MYBL2: variants seen among roughly 807,000 people sequenced by gnomAD.
MYBL2 encodes the protein MYB proto-oncogene like 2.
A neutral mutation model predicts 79.9 loss-of-function variants in MYBL2; 28 were observed. The observed-to-expected ratio is 0.35, with a 90% CI of 0.26 to 0.48. The LOEUF (loss-of-function observed/expected upper bound fraction) is 0.48. Ranked by LOEUF, MYBL2 falls within the 20% of genes least tolerant of loss-of-function variation. The pLI is 0.99. For synonymous variants in MYBL2, 378 were observed against 361.2 expected (o/e 1.05, Z -0.53); for missense variants, 735 against 893.9 (o/e 0.82, Z 2.27).
intron 2 of MYBL2, among the ~76,000 whole-genome samples, chr20:43,681,447 G>C (rs1480069393): frequency 6.6e-6 from 1 of 152,142 alleles, no homozygotes; most frequent in Admixed American, 6.6e-5. Context: ...GATCTGTTTT[G>C]CTTCCTCCAT....
chr20:43,667,268 G>C lies in MYBL2; in HGVS notation c.-16G>C. 1.6e-6 allele frequency: 2 copies of C among 1,223,620 alleles called. No homozygotes were observed. Among genetic ancestry groups the C allele is most frequent in the Non-Finnish European group, 2.0e-6 (2 of 982,570 alleles). The allele number at this position is 1,223,620 out of a possible 1,614,324, so 75.8% of individuals were successfully genotyped here. A position where few individuals can be genotyped will look rare whatever the true frequency, so the allele number is the denominator to read the frequency against. On this transcript the variant is annotated 5_prime_UTR_variant, in exon 1 of 14. Coordinates refer to ENST00000217026, the MANE Select transcript of MYBL2 (RefSeq NM_002466.4). ...GCCGGCGGGCGGGCGAGCGCGGCGC[G>C]GTCCGGGCCGGGGGGATGTCTCGGC...
At chr20:43,704,570 G>A (rs1346851527) in intron 8 of MYBL2, among the ~76,000 whole-genome samples, 1 of 152,180 alleles carries the variant, frequency 6.6e-6, no homozygotes, top group African/African-American at 2.4e-5. Context: ...GTTGCAGATG[G>A]CTCTCTATTA....
intron 6 of MYBL2, among the ~76,000 whole-genome samples, chr20:43,699,180 A>C (rs1371520881): frequency 6.6e-6 from 1 of 152,100 alleles, no homozygotes; most frequent in Non-Finnish European, 1.5e-5. Flanking sequence ...CTAGGATTAC[A>C]GGTGCCTGCC....
Position 43,674,232 on chromosome 20 carries a change from C to A in MYBL2, c.114+333C>A, listed in dbSNP as rs1169366465. On this transcript the variant is annotated intron_variant, in intron 2 of 13. Coordinates refer to ENST00000217026, the MANE Select transcript of MYBL2 (RefSeq NM_002466.4). Reference sequence around the variant, plus strand: ...TTGGCCAAATCTGTAACTCCCCCCACCCTTTTTTTTTTTTTTTTTTTGAGA... The same window carrying A: ...TTGGCCAAATCTGTAACTCCCCCCAACCTTTTTTTTTTTTTTTTTTTGAGA... Among the ~76,000 whole-genome samples the A allele has an allele frequency of 2.7e-4, 30 of 111,286 alleles. 4 individuals carry two copies. The highest frequency in any genetic ancestry group is 9.4e-4 in the African/African-American group (29 of 30,752). The allele number at this position is 111,286 out of a possible 152,430, so 73.0% of individuals were successfully genotyped here. A position where few individuals can be genotyped will look rare whatever the true frequency, so the allele number is the denominator to read the frequency against.
At chr20:43,676,939 A>G (rs1987024595) in intron 2 of MYBL2, among the ~76,000 whole-genome samples, 1 of 151,758 alleles carries the variant, frequency 6.6e-6, no homozygotes, top group African/African-American at 2.4e-5. Context: ...AATAGAGAAG[A>G]GGGTCTTGCT....
chr20:43,677,421 T>C (rs913195735), intron 2 of MYBL2, among the ~76,000 whole-genome samples: 5 of 152,184 alleles, frequency 3.3e-5, no homozygotes, highest in South Asian at 2.1e-4. Context: ...AGGAAACTTA[T>C]GTGGAGAAAG....
intron 9 of MYBL2, among the ~76,000 whole-genome samples, chr20:43,709,543 CCT>C (rs1987860336): frequency 6.6e-6 from 1 of 152,200 alleles, no homozygotes; most frequent in Admixed American, 6.5e-5. Context: ...GCTGGCCTCA[CCT>C]CTCGCCCCTC....
intron 2 of MYBL2, among the ~76,000 whole-genome samples, chr20:43,674,689 C>T (rs1311573105): frequency 6.6e-6 from 1 of 151,942 alleles, no homozygotes; most frequent in Admixed American, 6.6e-5. Context: ...CCACTGCACC[C>T]GGCCTTAATT....
chr20:43,699,943 C>G lies in MYBL2; in HGVS notation c.850C>G (p.Pro284Ala). ...GCGTGAGGACCAGGAAGGCTCCCCACCAGAAACGAGCCTGCCTTACAAGTG... is the reference window on the plus strand; with the variant it reads ...GCGTGAGGACCAGGAAGGCTCCCCAGCAGAAACGAGCCTGCCTTACAAGTG... Reference protein sequence around the residue: ...PKREDQEGSPPETSLPYKWVV... With the variant: ...PKREDQEGSPAETSLPYKWVV... Residue 284 changes from proline to alanine, a missense_variant, in exon 7 of 14, where the codon CCA (proline) becomes GCA (alanine). Physicochemically the swap from Pro to Ala is conservative, Grantham distance 27. This residue lies in a region of MYBL2 where 144 missense variants were observed against 131.9 expected (regional missense o/e 1.09). Coordinates refer to ENST00000217026, the MANE Select transcript of MYBL2 (RefSeq NM_002466.4). 6.2e-7 allele frequency: 1 copy of G among 1,614,128 alleles called. No homozygotes were observed.
At chr20:43,670,888 CG>C (rs1422117751) in intron 1 of MYBL2, among the ~76,000 whole-genome samples, 2 of 151,838 alleles carry the variant, frequency 1.3e-5, no homozygotes, top group African/African-American at 4.9e-5. Context: ...CAGGTCCTGT[CG>C]GGTGGAGTTG....
At chr20:43,703,361 G>A (rs1987714403) in intron 8 of MYBL2, among the ~76,000 whole-genome samples, 1 of 152,202 alleles carries the variant, frequency 6.6e-6, no homozygotes. Context: ...CCAGAATAGA[G>A]TGTGGGAAGT....
At chr20:43,680,365 T>TTTGC (rs1987115151) in intron 2 of MYBL2, among the ~76,000 whole-genome samples, 1 of 152,210 alleles carries the variant, frequency 6.6e-6, no homozygotes, top group African/African-American at 2.4e-5. Context: ...GTGAGTGGAA[T>TTTGC]CCTGAGTATT....
At chr20:43,696,624 C>T (rs1267740973) in intron 6 of MYBL2, among the ~76,000 whole-genome samples, 2 of 152,304 alleles carry the variant, frequency 1.3e-5, no homozygotes, top group African/African-American at 4.8e-5. Flanking sequence ...CTGAATTTGC[C>T]GTATCTTATT....
At chr20:43,697,428 G>A (rs1035909592) in intron 6 of MYBL2, among the ~76,000 whole-genome samples, 13 of 151,692 alleles carry the variant, frequency 8.6e-5, no homozygotes, top group Non-Finnish European at 2.9e-5. Context: ...TGGCCAATAC[G>A]GTGAAACCCC....
chr20:43,706,607 C>G (rs1055163846), intron 9 of MYBL2, among the ~76,000 whole-genome samples: 3 of 151,312 alleles, frequency 2.0e-5, no homozygotes, highest in African/African-American at 7.3e-5. Flanking sequence ...GTGGCTCACA[C>G]TTGTAATCCC....
At chr20:43,673,659 A>C in intron 1 of MYBL2, 147 bp from the exon 2 acceptor site, 1 of 766,384 alleles carries the variant, frequency 1.3e-6, no homozygotes, top group Non-Finnish European at 2.4e-6. Flanking sequence ...GTGAAGCAGA[A>C]GTGCCTATGT....
At chr20:43,670,254 A>T (rs1986825374) in intron 1 of MYBL2, among the ~76,000 whole-genome samples, 1 of 152,230 alleles carries the variant, frequency 6.6e-6, no homozygotes, top group Non-Finnish European at 1.5e-5. Flanking sequence ...GGTTTCTGTC[A>T]CGAGCTGTCT....
chr20:43,709,296 C>T (rs775631374), intron 9 of MYBL2, among the ~76,000 whole-genome samples: 5 of 152,190 alleles, frequency 3.3e-5, no homozygotes, highest in African/African-American at 4.8e-5. Context: ...GACATTTGCC[C>T]ACAGCCAGCC....
intron 10 of MYBL2, among the ~76,000 whole-genome samples, chr20:43,710,794 A>G (rs1407895269): frequency 6.6e-6 from 1 of 152,198 alleles, no homozygotes; most frequent in Non-Finnish European, 1.5e-5. Flanking sequence ...TCCACGGACC[A>G]TGCTACATGA....
Sources: gnomAD v4.1 joint callset for allele counts (sites outside exome capture counted in the v4.1 genomes callset) on GRCh38, gnomAD v4.1.1 for gene constraint, gnomAD v4.1.1 regional missense constraint, MANE v1.5 for transcripts, NCBI Gene and HGNC (gene_info 2026-07-23, HGNC 2026-07-21) for gene names.